Variants in TIMP2 observed in about 807,000 individuals in gnomAD.
The protein encoded by TIMP2 is TIMP metallopeptidase inhibitor 2.
TIMP2 carries 5 observed loss-of-function variants against 24.3 expected under a neutral mutation model. The observed-to-expected ratio is 0.21, with a 90% CI of 0.11 to 0.43. The LOEUF is 0.43. Ranked by LOEUF, TIMP2 falls within the 20% of genes least tolerant of loss-of-function variation. The pLI, the probability that TIMP2 is intolerant of heterozygous loss-of-function variation, is 1.00. For synonymous variants in TIMP2, 130 were observed against 123.2 expected (o/e 1.06, Z -0.37); for missense variants, 221 against 297.5 (o/e 0.74, Z 1.89).
At chr17:78,888,229 G>A (rs2069842731) in intron 1 of TIMP2, among the ~76,000 whole-genome samples, 1 of 144,254 alleles carries the variant, frequency 6.9e-6, no homozygotes, top group Non-Finnish European at 1.5e-5. Flanking sequence ...GCGCAATCTT[G>A]GCTCACTGCA....
At chr17:78,918,089 C>CACACACACACAT (rs1568009363) in intron 1 of TIMP2, among the ~76,000 whole-genome samples, 1 of 150,064 alleles carries the variant, frequency 6.7e-6, no homozygotes, top group Non-Finnish European at 1.5e-5. Context: ...CACACACACA[C>CACACACACACAT]ACACACACAC....
At chr17:78,886,604 C>T (rs578253787) in intron 1 of TIMP2, among the ~76,000 whole-genome samples, 8 of 152,274 alleles carry the variant, frequency 5.3e-5, no homozygotes, top group East Asian at 1.9e-4. Context: ...GCCCTCCTGA[C>T]CCCCAGTTTC....
At chr17:78,919,219 T>C (rs2070289590) in intron 1 of TIMP2, among the ~76,000 whole-genome samples, 2 of 152,234 alleles carry the variant, frequency 1.3e-5, no homozygotes, top group South Asian at 4.1e-4. Context: ...CAACGCCCGC[T>C]GTCATTCCAC....
Position 78,896,542 on chromosome 17 carries a change from C to A in TIMP2, c.131-22623G>T, listed in dbSNP as rs2070002607. 6.6e-6 allele frequency among the ~76,000 whole-genome samples: 1 copy of A among 152,170 alleles called. No homozygotes were observed. Among genetic ancestry groups the A allele is most frequent in the Admixed American group, 6.5e-5 (1 of 15,280 alleles). ...TCTAGAAGGGGCAGGGGTCCTGGCG[C>A]TCCTCTGTCCTCCACATCCTCTGAG... On this transcript the variant is annotated intron_variant, in intron 1 of 4. Transcript: ENST00000262768. This position sits in a 1 kb window ranked among gnomAD's most constrained non-coding sequence, Gnocchi z 4.4.
chr17:78,905,368 T>C (rs2070149300), intron 1 of TIMP2, among the ~76,000 whole-genome samples: 1 of 152,204 alleles, frequency 6.6e-6, no homozygotes, highest in Non-Finnish European at 1.5e-5. Flanking sequence ...AATTCCCACA[T>C]AAATCCCATC....
chr17:78,863,147 G>C (rs575587356), intron 3 of TIMP2, among the ~76,000 whole-genome samples: 1 of 152,342 alleles, frequency 6.6e-6, no homozygotes, highest in East Asian at 1.9e-4. Flanking sequence ...CCCACAGTGG[G>C]TGAACTCGTT....
intron 1 of TIMP2, among the ~76,000 whole-genome samples, chr17:78,885,157 G>T (rs1463681140): frequency 6.6e-6 from 1 of 152,252 alleles, no homozygotes; most frequent in African/African-American, 2.4e-5. Flanking sequence ...CAGCCACGGA[G>T]GCCTTCCTGG....
In TIMP2 at chr17:78,896,276, G is replaced by GC. The variant is rs1394163751; in HGVS notation, c.131-22358dup. ...GGGAAAGCAACAGAGCCTTAGCTGA[G>GC]CCCAAGATGACCAAGGAGAAACAGC... On this transcript the variant is annotated intron_variant, in intron 1 of 4. Coordinates refer to ENST00000262768, the MANE Select transcript of TIMP2 (RefSeq NM_003255.5). This position sits in a 1 kb window ranked among gnomAD's most constrained non-coding sequence, Gnocchi z 4.4. 2.0e-5 allele frequency among the ~76,000 whole-genome samples: 3 copies of GC among 152,214 alleles called. No homozygotes were observed. The highest frequency in any genetic ancestry group is 4.4e-5 in the Non-Finnish European group (3 of 68,044).
At chr17:78,857,280 G>A (rs970161994) in intron 4 of TIMP2, 24 of 511,502 alleles carry the variant, frequency 4.7e-5, no homozygotes, top group East Asian at 3.0e-4. Flanking sequence ...GAGCCGCAGC[G>A]CCCGGCCTCC....
chr17:78,855,580 G>T lies in TIMP2; in HGVS notation c.*87C>A. On this transcript the variant is annotated 3_prime_UTR_variant, in exon 5 of 5. Coordinates refer to ENST00000262768, the MANE Select transcript of TIMP2 (RefSeq NM_003255.5). The surrounding 1 kb of genome is among the most constrained non-coding windows in gnomAD (Gnocchi z 6.0). ...ATGGGATGAGTGTTTTATTCATGCT[G>T]TTTCCAGGAAGGGATGTCAGAGCTG... is the stretch of plus-strand genomic sequence containing the variant. 1 of 1,438,024 alleles carries T rather than the reference G, an allele frequency of 7.0e-7. No individual in the cohort carries two copies. The highest frequency in any genetic ancestry group is 9.5e-7 in the Non-Finnish European group (1 of 1,051,574). 89.1% of individuals were successfully genotyped at this position (1,438,024 alleles called of 1,614,324 possible). A position where few individuals can be genotyped will look rare whatever the true frequency, so the allele number is the denominator to read the frequency against.
intron 1 of TIMP2, among the ~76,000 whole-genome samples, chr17:78,885,922 T>G (rs2069821793): frequency 6.6e-6 from 1 of 152,002 alleles, no homozygotes; most frequent in South Asian, 2.1e-4. Context: ...TGTGCCAAGG[T>G]GACCAAGGGG....
Position 78,891,031 on chromosome 17 carries a change from G to T in TIMP2, c.131-17112C>A. The T allele has an allele frequency of 6.4e-7, 1 of 1,551,170 alleles. No individual in the cohort carries two copies. ...CCGTCGAGCCCACTCTGTCTGCCTG[G>T]TCTTGAAGGTGGAGCTGAAGGGAGC... On this transcript the variant is annotated intron_variant, in intron 1 of 4. Transcript: ENST00000262768. The surrounding 1 kb of genome is among the most constrained non-coding windows in gnomAD (Gnocchi z 4.5).
chr17:78,888,182 T>C (rs1239413198), intron 1 of TIMP2, among the ~76,000 whole-genome samples: 2 of 151,030 alleles, frequency 1.3e-5, no homozygotes, highest in Non-Finnish European at 2.9e-5. Flanking sequence ...TTTTTTGAGA[T>C]GGAGTCTCGC....
At chr17:78,919,724 A>T (rs2070294352) in intron 1 of TIMP2, among the ~76,000 whole-genome samples, 1 of 152,002 alleles carries the variant, frequency 6.6e-6, no homozygotes, top group South Asian at 2.1e-4. Context: ...AGTCCCAGCT[A>T]CTCGGGAGGC....
chr17:78,912,708 T>C (rs149247477), intron 1 of TIMP2, among the ~76,000 whole-genome samples: 382 of 152,306 alleles, frequency 2.5e-3, no homozygotes, highest in Non-Finnish European at 4.3e-3. Flanking sequence ...ACACAAGGAC[T>C]GGGAAGCCCA....
intron 1 of TIMP2, chr17:78,890,883 C>G: frequency 2.6e-6 from 4 of 1,550,674 alleles, no homozygotes; most frequent in Non-Finnish European, 3.5e-6. Flanking sequence ...TCCCTCCTCT[C>G]TTTTTCTAGC....
At chr17:78,903,516 G>A (rs964515308) in intron 1 of TIMP2, among the ~76,000 whole-genome samples, 41 of 152,128 alleles carry the variant, frequency 2.7e-4, no homozygotes, top group African/African-American at 9.9e-4. Flanking sequence ...CATTAAGGAG[G>A]TACACTTCAA....
intron 1 of TIMP2, among the ~76,000 whole-genome samples, chr17:78,911,227 A>G (rs1370128801): frequency 6.6e-6 from 1 of 152,156 alleles, no homozygotes; most frequent in Non-Finnish European, 1.5e-5. Flanking sequence ...TCGCAGGAGA[A>G]ACAGAATATT....
intron 3 of TIMP2, 96 bp downstream of exon 3, chr17:78,870,802 C>T: frequency 1.9e-6 from 2 of 1,042,862 alleles, no homozygotes; most frequent in Non-Finnish European, 2.8e-6. Context: ...ACTCCGCCTC[C>T]CCACCCCCCG....
Sources: allele counts gnomAD v4.1 joint callset (sites outside exome capture counted in the v4.1 genomes callset), GRCh38; gene constraint gnomAD v4.1.1; non-coding constraint Gnocchi (gnomAD v3.1); transcripts MANE v1.5; gene names NCBI Gene and HGNC (gene_info 2026-07-23, HGNC 2026-07-21).